Variants in CCND3 observed in about 807,000 individuals in gnomAD.
The protein encoded by CCND3 is cyclin D3.
Under a neutral mutation model 28.7 loss-of-function variants are expected in CCND3, and 9 were observed. That is an observed-to-expected ratio of 0.31 (90% CI 0.19 to 0.55). CCND3 has a LOEUF of 0.55. Ranked by LOEUF, CCND3 falls within the 20% of genes least tolerant of loss-of-function variation. CCND3 has a pLI of 0.93. For missense variants in CCND3, 315 were observed against 385.8 expected, an observed-to-expected ratio of 0.82 and a Z score of 1.54; for synonymous variants, 164 against 163.9, an observed-to-expected ratio of 1.00 and a Z score of 0.00.
chr6:41,980,475 T>C (rs1205734605), intron 1 of CCND3, among the ~76,000 whole-genome samples: 2 of 151,510 alleles, frequency 1.3e-5, no homozygotes, highest in Non-Finnish European at 2.9e-5. Context: ...GAAGAAATTA[T>C]ACAAATTCTC....
At chr6:41,989,347 C>T (rs1762584877) in intron 1 of CCND3, among the ~76,000 whole-genome samples, 1 of 147,442 alleles carries the variant, frequency 6.8e-6, no homozygotes, top group African/African-American at 2.5e-5. Flanking sequence ...AAAAGCTACT[C>T]GGGAGACTGA....
chr6:42,047,086 A>G (rs950961685), intron 1 of CCND3, among the ~76,000 whole-genome samples: 1 of 152,234 alleles, frequency 6.6e-6, no homozygotes, highest in Admixed American at 6.5e-5. Context: ...TTAGAAGAGT[A>G]CCTGACAGTG....
chr6:41,972,670 G>A (rs1177023600), intron 1 of CCND3, among the ~76,000 whole-genome samples: 1 of 152,084 alleles, frequency 6.6e-6, no homozygotes, highest in Non-Finnish European at 1.5e-5. Flanking sequence ...ACGTTTGATA[G>A]CCTCACGCCT....
intron 1 of CCND3, among the ~76,000 whole-genome samples, chr6:41,958,887 A>G (rs547924392): frequency 1.3e-5 from 2 of 152,384 alleles, no homozygotes; most frequent in East Asian, 3.9e-4. Flanking sequence ...GTAAAATGGT[A>G]TCACTACTTC....
intron 1 of CCND3, among the ~76,000 whole-genome samples, chr6:42,038,208 T>TAG (rs1484743986): frequency 6.6e-6 from 1 of 152,002 alleles, no homozygotes; most frequent in Non-Finnish European, 1.5e-5. Context: ...TATTCACATT[T>TAG]TTACCTCTTG....
At chr6:42,020,485 C>T (rs953408464) in intron 1 of CCND3, among the ~76,000 whole-genome samples, 1 of 152,152 alleles carries the variant, frequency 6.6e-6, no homozygotes, top group Non-Finnish European at 1.5e-5. Flanking sequence ...ACATGCCCTC[C>T]CCAGATCTAG....
Position 41,941,253 on chromosome 6 carries a change from C to T in CCND3, c.198+199G>A. 1 of 1,434,084 alleles carries T rather than the reference C, an allele frequency of 7.0e-7. No homozygotes were observed. Among genetic ancestry groups the T allele is most frequent in the Admixed American group, 2.9e-5 (1 of 34,458 alleles). 88.8% of individuals were successfully genotyped at this position (1,434,084 alleles called of 1,614,324 possible). A position where few individuals can be genotyped will look rare whatever the true frequency, so the allele number is the denominator to read the frequency against. ...TAGGGTGCCAAGTGACTGGCAGTCACTGTCGGGAGGAGCCGATTAGGGCTC... is the reference window on the plus strand; with the variant it reads ...TAGGGTGCCAAGTGACTGGCAGTCATTGTCGGGAGGAGCCGATTAGGGCTC... On this transcript the variant is annotated intron_variant, in intron 1 of 4. Coordinates refer to ENST00000372991, the MANE Select transcript of CCND3 (RefSeq NM_001760.5). This position sits in a 1 kb window ranked among gnomAD's most constrained non-coding sequence, Gnocchi z 6.1.
intron 1 of CCND3, among the ~76,000 whole-genome samples, chr6:42,027,653 A>C (rs1036172729): frequency 4.6e-5 from 7 of 152,152 alleles, no homozygotes; most frequent in African/African-American, 1.2e-4. Context: ...GTGTGGGCTT[A>C]ACACCAGAGC....
rs570815830 is a variant in CCND3 at position 41,954,777 on chromosome 6, T to C, written c.-45-14192A>G. 3.9e-5 allele frequency among the ~76,000 whole-genome samples: 6 copies of C among 152,296 alleles called. No individual in the cohort carries two copies. In the East Asian group the frequency reaches 1.2e-3, roughly 29 times the overall value. ...CATTTTACAGAGAGGTTAAGCAATT[T>C]ACTCAATTGTCCTACAGTGATGGGC... On this transcript the variant is annotated intron_variant, in intron 1 of 4. Coordinates refer to the CCND3 transcript ENST00000372988.
chr6:41,956,928 G>C (rs1776453001), intron 1 of CCND3, among the ~76,000 whole-genome samples: 1 of 152,154 alleles, frequency 6.6e-6, no homozygotes, highest in Non-Finnish European at 1.5e-5. Flanking sequence ...CTGCTGGGGA[G>C]GCTGAGGCAG....
intron 1 of CCND3, among the ~76,000 whole-genome samples, chr6:41,981,338 G>A (rs1439392062): frequency 2.0e-5 from 3 of 151,730 alleles, no homozygotes; most frequent in Non-Finnish European, 4.4e-5. Context: ...CTGAGTAGCT[G>A]GGATTATAGG....
chr6:41,992,472 T>TA (rs1762680356), intron 1 of CCND3, among the ~76,000 whole-genome samples: 1 of 146,478 alleles, frequency 6.8e-6, no homozygotes, highest in African/African-American at 2.5e-5. Context: ...GGTTTTTTTT[T>TA]TTTTTTTTAG....
At chr6:41,960,252 A>G (rs1162915705) in intron 1 of CCND3, among the ~76,000 whole-genome samples, 1 of 152,222 alleles carries the variant, frequency 6.6e-6, no homozygotes, top group East Asian at 1.9e-4. Context: ...ATGGAGAGTG[A>G]CTGCTAATGG....
chr6:41,989,454 C>CAAAAAAAAAAAAAAAAAAA lies in CCND3; in HGVS notation c.-45-48870_-45-48869insTTTTTTTTTTTTTTTTTTT, dbSNP rs35776222. ...GGGCGACAAGAGTGAAACACTGTCT[C>CAAAAAAAAAAAAAAAAAAA]AAAAAAAAAAAACAAAAAAAAAAAA... On this transcript the variant is annotated intron_variant, in intron 1 of 4. Transcript: ENST00000372988. Among the ~76,000 whole-genome samples, 15 of 21,690 alleles carry CAAAAAAAAAAAAAAAAAAA rather than the reference C, an allele frequency of 6.9e-4. 2 individuals are homozygous for CAAAAAAAAAAAAAAAAAAA. The highest frequency in any genetic ancestry group is 5.6e-3 in the East Asian group (3 of 536). The allele number at this position is 21,690 out of a possible 152,430, so 14.2% of individuals were successfully genotyped here. A position where few individuals can be genotyped will look rare whatever the true frequency, so the allele number is the denominator to read the frequency against.
chr6:42,042,959 G>A (rs1046196510), intron 1 of CCND3, among the ~76,000 whole-genome samples: 2 of 152,226 alleles, frequency 1.3e-5, no homozygotes, highest in Admixed American at 6.5e-5. Context: ...CACTCCATGA[G>A]AGATGGCACA....
chr6:42,027,560 T>C (rs1377708348), intron 1 of CCND3, among the ~76,000 whole-genome samples: 9 of 152,090 alleles, frequency 5.9e-5, no homozygotes. Context: ...ATTTCTCAAT[T>C]GCGTATCTCC....
intron 1 of CCND3, among the ~76,000 whole-genome samples, chr6:41,984,340 G>A (rs1441932001): frequency 6.6e-6 from 1 of 151,890 alleles, no homozygotes; most frequent in Non-Finnish European, 1.5e-5. Context: ...TGGTAGTTCT[G>A]TTTTTTTGTT....
intron 1 of CCND3, among the ~76,000 whole-genome samples, chr6:41,965,753 C>G (rs1456957476): frequency 3.9e-5 from 6 of 152,178 alleles, no homozygotes; most frequent in Non-Finnish European, 7.3e-5. Context: ...CCCAAGCGCC[C>G]TCCCACCCCA....
intron 1 of CCND3, among the ~76,000 whole-genome samples, chr6:41,956,333 C>T (rs920029869): frequency 1.1e-4 from 17 of 152,114 alleles, no homozygotes; most frequent in African/African-American, 3.9e-4. Context: ...TAAACATAAA[C>T]CAGGAAAGTG....
Sources: allele counts gnomAD v4.1 joint callset (sites outside exome capture counted in the v4.1 genomes callset), GRCh38; gene constraint gnomAD v4.1.1; non-coding constraint Gnocchi (gnomAD v3.1); transcripts MANE v1.5; gene names NCBI Gene and HGNC (gene_info 2026-07-23, HGNC 2026-07-21).